The following DIPK1A variants were observed in gnomAD, a reference collection of about 807,000 sequenced individuals.
The protein encoded by DIPK1A is family with sequence similarity 69 member A.
DIPK1A carries 27 observed loss-of-function variants against 40.8 expected under a neutral mutation model. That is an observed-to-expected ratio of 0.66 (90% confidence interval 0.49 to 0.91). DIPK1A has a LOEUF of 0.91. Among genes scored for constraint, DIPK1A ranks in the 40% least tolerant of loss-of-function variants. The pLI is 0.00. For missense variants in DIPK1A, 412 were observed against 505.7 expected (o/e 0.81, Z 1.78); for synonymous variants, 166 against 171.3 (o/e 0.97, Z 0.24).
intron 3 of DIPK1A, among the ~76,000 whole-genome samples, chr1:92,848,255 T>C (rs892273514): frequency 7.2e-5 from 11 of 152,188 alleles, no homozygotes; most frequent in African/African-American, 2.7e-4. Flanking sequence ...AAGAAAACAT[T>C]ATTTCACTGC....
chr1:92,866,290 T>C (rs1443801623), intron 2 of DIPK1A, among the ~76,000 whole-genome samples: 5 of 152,142 alleles, frequency 3.3e-5, no homozygotes, highest in Admixed American at 6.5e-5. Flanking sequence ...TTAGTAGAGA[T>C]GGGTTTTCAC....
In DIPK1A at chr1:92,843,312, T is replaced by A; in HGVS notation, c.*71A>T. 2.1e-6 allele frequency: 3 copies of A among 1,453,294 alleles called. No individual in the cohort carries two copies. In the South Asian group the frequency reaches 4.6e-5, roughly 22 times the overall value. The allele number at this position is 1,453,294 out of a possible 1,614,324, so 90.0% of individuals were successfully genotyped here. A position where few individuals can be genotyped will look rare whatever the true frequency, so the allele number is the denominator to read the frequency against. On this transcript the variant is annotated 3_prime_UTR_variant, in exon 5 of 5. Coordinates refer to ENST00000370310, the MANE Select transcript of DIPK1A (RefSeq NM_001006605.5). The stretch of plus-strand genomic sequence containing the variant: ...GTAACTGGCCGGAATTTGAAGCCAT[T>A]TTTTTTTAATGCTCAAAATTGTTCT...
At chr1:92,840,656 T>C, downstream of DIPK1A, 1 of 1,594,254 alleles carries the variant, frequency 6.3e-7, no homozygotes, top group South Asian at 1.1e-5. Flanking sequence ...CGTCTTTTTT[T>C]TTGTCTTTTC....
chr1:92,850,139 T>C (rs1300902106), intron 3 of DIPK1A, among the ~76,000 whole-genome samples: 1 of 151,904 alleles, frequency 6.6e-6, no homozygotes, highest in Non-Finnish European at 1.5e-5. Context: ...CCTGGCATTT[T>C]TTTTAAATTT....
exon 5 of DIPK1A, chr1:92,832,918 G>C: frequency 1.5e-6 from 1 of 676,988 alleles, no homozygotes; most frequent in South Asian, 1.6e-5. Flanking sequence ...GTTGTTATTT[G>C]AGGCTAGGTT....
At chr1:92,854,047 T>C (rs1217455808) in intron 2 of DIPK1A, among the ~76,000 whole-genome samples, 2 of 152,112 alleles carry the variant, frequency 1.3e-5, no homozygotes, top group Admixed American at 1.3e-4. Flanking sequence ...CCACTATGCC[T>C]GGTTAATTTT....
At chr1:92,942,514 T>C (rs1424114813) in intron 1 of DIPK1A, among the ~76,000 whole-genome samples, 3 of 151,546 alleles carry the variant, frequency 2.0e-5, no homozygotes, top group African/African-American at 7.3e-5. Flanking sequence ...CTTTTAGCAG[T>C]TTTTTTTTCT....
At chr1:92,883,457 T>C (rs1362942819) in intron 1 of DIPK1A, among the ~76,000 whole-genome samples, 2 of 146,836 alleles carry the variant, frequency 1.4e-5, no homozygotes, top group African/African-American at 4.9e-5. Context: ...TAACTATCTA[T>C]TTGTCTCTCA....
chr1:92,844,208 T>G lies in DIPK1A; in HGVS notation c.475-13A>C. 1 of 1,526,264 alleles carries G rather than the reference T, an allele frequency of 6.6e-7. No homozygotes were observed. The highest frequency in any genetic ancestry group is 1.2e-5 in the South Asian group (1 of 82,538). The allele number at this position is 1,526,264 out of a possible 1,614,324, so 94.5% of individuals were successfully genotyped here. A position where few individuals can be genotyped will look rare whatever the true frequency, so the allele number is the denominator to read the frequency against. ...CACCCAATTTTGCCTGTCAAGAATT[T>G]GGCTAGTTACACAGAAGGAATGAAA... On this transcript the variant is annotated splice_polypyrimidine_tract_variant and intron_variant, in intron 4 of 4. Coordinates refer to ENST00000370310, the MANE Select transcript of DIPK1A (RefSeq NM_001006605.5).
At chr1:92,898,731 C>T (rs1470652546) in intron 1 of DIPK1A, among the ~76,000 whole-genome samples, 2 of 152,028 alleles carry the variant, frequency 1.3e-5, no homozygotes, top group Non-Finnish European at 2.9e-5. Flanking sequence ...GATCCTTCTG[C>T]CTTGACTTCC....
At chr1:92,869,818 C>T (rs541383375) in intron 2 of DIPK1A, among the ~76,000 whole-genome samples, 2 of 152,150 alleles carry the variant, frequency 1.3e-5, no homozygotes, top group Admixed American at 6.6e-5. Context: ...AAAAAAAGAA[C>T]AGTCCATGCA....
chr1:92,832,876 AAACAT>A (rs1686963816), exon 5 of DIPK1A: 3 of 628,320 alleles, frequency 4.8e-6, no homozygotes, highest in African/African-American at 1.8e-5. Context: ...GGCTTTTGAA[AAACAT>A]AACATGGGAA....
chr1:92,859,410 C>A (rs1347449834), intron 2 of DIPK1A, among the ~76,000 whole-genome samples: 1 of 152,072 alleles, frequency 6.6e-6, no homozygotes, highest in Non-Finnish European at 1.5e-5. Context: ...TCTCTCCCCC[C>A]TGCCCGCAAC....
intron 2 of DIPK1A, among the ~76,000 whole-genome samples, chr1:92,862,698 C>A (rs753754056): frequency 2.0e-5 from 3 of 152,200 alleles, no homozygotes; most frequent in Non-Finnish European, 4.4e-5. Flanking sequence ...TGACTCTCTA[C>A]TGCTCTGAAG....
chr1:92,922,263 C>G (rs1409683646), intron 1 of DIPK1A, among the ~76,000 whole-genome samples: 1 of 151,218 alleles, frequency 6.6e-6, no homozygotes, highest in Non-Finnish European at 1.5e-5. Context: ...AAAATCACAA[C>G]TTAGTAGTCA....
chr1:92,840,159 A>G, downstream of DIPK1A: 1 of 256,692 alleles, frequency 3.9e-6, no homozygotes, highest in Non-Finnish European at 7.6e-6. Context: ...GCATGCCACC[A>G]TTAATAATTG....
rs368087578 is a variant in DIPK1A, at chr1:92,842,361, CA to C, written c.*1021del. The C allele has an allele frequency of 2.0e-4, 193 of 985,116 alleles. 3 individuals carry two copies. In the African/African-American group the frequency reaches 3.1e-3, roughly 16 times the overall value. 61.0% of individuals were successfully genotyped at this position (985,116 alleles called of 1,614,324 possible). ...AGCAGAAAATAGTGGTTCTTTTCTCCAAAAGGTGTTTAATTTTATGGAGATG... is the reference window on the plus strand; with the variant it reads ...AGCAGAAAATAGTGGTTCTTTTCTCCAAAGGTGTTTAATTTTATGGAGATG... On this transcript the variant is annotated 3_prime_UTR_variant, in exon 5 of 5. Transcript: ENST00000370310.
chr1:92,895,735 G>C (rs1649129621), intron 1 of DIPK1A, among the ~76,000 whole-genome samples: 1 of 152,076 alleles, frequency 6.6e-6, no homozygotes, highest in Non-Finnish European at 1.5e-5. Context: ...CAGATGACAT[G>C]ATTGTATATC....
chr1:92,961,316 C>A, intron 1 of DIPK1A, 60 bp downstream of exon 1: 1 of 1,312,280 alleles, frequency 7.6e-7, no homozygotes, highest in Non-Finnish European at 1.0e-6. Flanking sequence ...TCCTGCGCGG[C>A]GCGGCAGGGC....
Sources: allele counts gnomAD v4.1 joint callset (sites outside exome capture counted in the v4.1 genomes callset), GRCh38; gene constraint gnomAD v4.1.1; transcripts MANE v1.5; gene names NCBI Gene and HGNC (gene_info 2026-07-23, HGNC 2026-07-21).